ZWILCH: variants seen among roughly 807,000 people sequenced by gnomAD.
ZWILCH encodes zwilch kinetochore protein.
ZWILCH carries 74 observed loss-of-function variants against 79.9 expected under a neutral mutation model. The observed-to-expected ratio is 0.93, with a 90% confidence interval of 0.77 to 1.12. ZWILCH has a LOEUF of 1.12. ZWILCH is among the 50% of genes most tolerant of loss of function. The pLI, the probability that ZWILCH is intolerant of heterozygous loss-of-function variation, is 0.00. For synonymous variants in ZWILCH, 241 were observed against 228.2 expected (o/e 1.06, Z -0.51); for missense variants, 694 against 687.5 (o/e 1.01, Z -0.11).
intron 18 of ZWILCH, chr15:66,547,412 T>G (rs1895418626): frequency 1.3e-5 from 2 of 151,964 alleles, no homozygotes; most frequent in Admixed American, 1.3e-4. Flanking sequence ...TTATTCTTTT[T>G]TGGTTTCAGA....
chr15:66,546,728 C>G, intron 18 of ZWILCH, 23 bp downstream of exon 18: 1 of 1,362,772 alleles, frequency 7.3e-7, no homozygotes, highest in Non-Finnish European at 1.0e-6. Flanking sequence ...ACATTTTAGT[C>G]TCTTTGTCAA....
intron 15 of ZWILCH, among the ~76,000 whole-genome samples, chr15:66,536,782 G>C (rs1220459373): frequency 6.6e-6 from 1 of 151,888 alleles, no homozygotes. Flanking sequence ...TGAGTTAACT[G>C]TAATTCCTTG....
intron 17 of ZWILCH, among the ~76,000 whole-genome samples, chr15:66,543,957 A>G (rs10438349): frequency 0.2 from 29,830 of 152,130 alleles, 3,035 homozygotes; most frequent in East Asian, 0.37. Flanking sequence ...AAGATTTTAA[A>G]GAAGAAACAT....
At position 66,527,366 on chromosome 15, in the gene ZWILCH, T is replaced by C; in HGVS notation, c.896T>C (p.Val299Ala). Residue 299 changes from valine to alanine, a missense_variant, in exon 9 of 19, where the codon GTT (valine) becomes GCT (alanine). Transcript: ENST00000307897. Reference sequence around the variant, plus strand: ...GAAGCAAAATCTGCTGTTGAACTTGTTCAGGAATTTCTGAATGGTGTATTA... The same window carrying C: ...GAAGCAAAATCTGCTGTTGAACTTGCTCAGGAATTTCTGAATGGTGTATTA... ...PLEAKSAVELVQEFLNDLNKL... is the reference protein window; with the variant it reads ...PLEAKSAVELAQEFLNDLNKL... The C allele has an allele frequency of 6.2e-7, 1 of 1,613,822 alleles. No individual in the cohort carries two copies. The highest frequency in any genetic ancestry group is 8.5e-7 in the Non-Finnish European group (1 of 1,179,718).
chr15:66,507,002 G>A (rs1400344172), intron 1 of ZWILCH, among the ~76,000 whole-genome samples: 2 of 151,914 alleles, frequency 1.3e-5, no homozygotes, highest in African/African-American at 2.4e-5. Flanking sequence ...GACTACAGGC[G>A]CATGCCACCA....
chr15:66,543,355 A>G (rs1318783447), intron 17 of ZWILCH, among the ~76,000 whole-genome samples: 1 of 152,256 alleles, frequency 6.6e-6, no homozygotes, highest in Non-Finnish European at 1.5e-5. Context: ...ATAAAGACCT[A>G]GAAGGATACA....
At chr15:66,524,049 C>G (rs1301774392) in intron 8 of ZWILCH, among the ~76,000 whole-genome samples, 1 of 151,990 alleles carries the variant, frequency 6.6e-6, no homozygotes, top group Admixed American at 6.6e-5. Context: ...ATTCATCAGT[C>G]GATTGACATC....
In ZWILCH at chr15:66,520,769, G is replaced by C. The variant is rs902460362; in HGVS notation, c.591+109G>C. The C allele has an allele frequency of 7.9e-6, 6 of 760,794 alleles. No individual in the cohort carries two copies. In the African/African-American group the frequency reaches 1.1e-4, roughly 14 times the overall value. The allele number at this position is 760,794 out of a possible 1,614,324, so 47.1% of individuals were successfully genotyped here. A position where few individuals can be genotyped will look rare whatever the true frequency, so the allele number is the denominator to read the frequency against. On this transcript the variant is annotated intron_variant, in intron 6 of 18. Transcript: ENST00000307897. ...TAAGATGACTAGATATTTTTCTGTA[G>C]TATGAAAATGTTTATGTTTATTTTC...
chr15:66,517,455 T>TATATAGAGAGAGAGAG, intron 4 of ZWILCH, among the ~76,000 whole-genome samples: 1 of 115,214 alleles, frequency 8.7e-6, no homozygotes, highest in South Asian at 2.9e-4. Flanking sequence ...TATATATATA[T>TATATAGAGAGAGAGAG]AGTAATGTAC....
At chr15:66,518,765 C>T (rs1894380536) in intron 4 of ZWILCH, 114 bp from the exon 5 acceptor site, 17 of 943,380 alleles carry the variant, frequency 1.8e-5, no homozygotes, top group Middle Eastern at 3.2e-4. Context: ...GAGCTATGAT[C>T]GCACCACTGC....
intron 9 of ZWILCH, 141 bp downstream of exon 9, chr15:66,527,524 C>A (rs2140780353): frequency 4.5e-6 from 3 of 672,670 alleles, no homozygotes; most frequent in East Asian, 5.5e-5. Flanking sequence ...AGCTTTTGTT[C>A]TGAATTGCTA....
At chr15:66,524,084 T>C (rs1567045687) in intron 8 of ZWILCH, among the ~76,000 whole-genome samples, 2 of 152,360 alleles carry the variant, frequency 1.3e-5, no homozygotes, top group Admixed American at 1.3e-4. Context: ...TTTGTGGCTA[T>C]TATGAATAAT....
At position 66,505,344 on chromosome 15, in the gene ZWILCH, G is replaced by A. The variant is rs1893767385; in HGVS notation, c.6G>A (p.Trp2Ter). Residue 2 changes from tryptophan (W) to a stop codon, truncating the protein, a stop_gained, in exon 1 of 19, where the codon TGG becomes TGA. Transcript: ENST00000307897. LOFTEE classifies it high-confidence loss of function. The part of the protein sequence containing the change: M[W>*]ERLNCAAEDF... ...CGCTCTCACATTGGGGCGGGATGTG[G>A]GAGCGGCTGAACTGCGCAGCAGAGG... The A allele has an allele frequency of 6.8e-6, 11 of 1,613,812 alleles. No individual in the cohort carries two copies. Among genetic ancestry groups the A allele is most frequent in the Non-Finnish European group, 8.5e-6 (10 of 1,180,026 alleles).
intron 12 of ZWILCH, among the ~76,000 whole-genome samples, chr15:66,531,347 A>G (rs1894846677): frequency 6.6e-6 from 1 of 152,166 alleles, no homozygotes; most frequent in Admixed American, 6.5e-5. Context: ...TTTCAAAGGA[A>G]CAGCTCTGGC....
chr15:66,516,306 C>G (rs1303385455), intron 4 of ZWILCH, among the ~76,000 whole-genome samples: 2 of 152,176 alleles, frequency 1.3e-5, no homozygotes, highest in Admixed American at 6.6e-5. Context: ...TCCTGCCTCC[C>G]CACTGTGTAG....
chr15:66,512,010 G>A (rs1359420827), intron 2 of ZWILCH, among the ~76,000 whole-genome samples: 1 of 152,036 alleles, frequency 6.6e-6, no homozygotes, highest in Non-Finnish European at 1.5e-5. Flanking sequence ...TGTGATTTTA[G>A]GTATTAATCT....
intron 2 of ZWILCH, among the ~76,000 whole-genome samples, chr15:66,512,788 AT>A (rs1177716039): frequency 6.6e-6 from 1 of 150,672 alleles, no homozygotes; most frequent in Non-Finnish European, 1.5e-5. Context: ...TTGCATTTTT[AT>A]TTGTGTATTT....
rs781034081 is a variant in ZWILCH at position 66,529,522 on chromosome 15, G to T, written c.1104G>T (p.Lys368Asn). The T allele has an allele frequency of 6.2e-7, 1 of 1,613,886 alleles. No homozygotes were observed. Among genetic ancestry groups the T allele is most frequent in the African/African-American group, 1.3e-5 (1 of 74,908 alleles). The change falls in exon 12 of 19, where the codon AAG (lysine) becomes AAT (asparagine). Residue 368 changes from lysine (K) to asparagine (N), a missense_variant. Physicochemically the swap from Lys to Asn is moderately conservative, Grantham distance 94. Transcript: ENST00000307897. The part of the protein sequence containing the change: ...SSVISYQDLV[K>N]CFTLIIQSLQ... ...TGATTTCATACCAAGACTTGGTGAA[G>T]TGTTTCACATTGATCATCCAGAGTC...
chr15:66,519,022 T>A lies in ZWILCH; in HGVS notation c.464T>A (p.Leu155His). 6.2e-7 allele frequency: 1 copy of A among 1,614,242 alleles called. No homozygotes were observed. Among genetic ancestry groups the A allele is most frequent in the South Asian group, 1.1e-5 (1 of 91,090 alleles). Residue 155 changes from leucine (L) to histidine (H), a missense_variant, in exon 5 of 19, where the codon CTT (leucine) becomes CAT (histidine). Coordinates refer to ENST00000307897, the MANE Select transcript of ZWILCH (RefSeq NM_017975.5). ...PEGTCWLGAE[L>H]ITTNNSITGI... ...GGTACTTGTTGGCTAGGAGCTGAGCTTATCACAACAAACAACAGCATTACA... is the reference window on the plus strand; with the variant it reads ...GGTACTTGTTGGCTAGGAGCTGAGCATATCACAACAAACAACAGCATTACA...
Sources: allele counts gnomAD v4.1 joint callset (sites outside exome capture counted in the v4.1 genomes callset), GRCh38; gene constraint gnomAD v4.1.1; transcripts MANE v1.5; gene names NCBI Gene and HGNC (gene_info 2026-07-23, HGNC 2026-07-21).